The following SMPD3 variants were observed in gnomAD, a reference collection of about 807,000 sequenced individuals.
SMPD3 encodes nSMase-2.
In SMPD3, 21 loss-of-function variants were observed where a neutral mutation model predicts 55.7. The ratio of observed to expected loss-of-function variants is 0.38; its 90% CI spans 0.27 to 0.54. SMPD3 has a LOEUF of 0.54. Ranked by LOEUF, SMPD3 falls within the 20% of genes least tolerant of loss-of-function variation. The pLI is 0.80. For missense variants in SMPD3, 842 were observed against 899.6 expected, an observed-to-expected ratio of 0.94 and a Z score of 0.82; for synonymous variants, 457 against 404.3, an observed-to-expected ratio of 1.13 and a Z score of -1.56.
intron 1 of SMPD3, among the ~76,000 whole-genome samples, chr16:68,421,431 G>A (rs1014267310): frequency 2.6e-5 from 4 of 152,326 alleles, no homozygotes; most frequent in African/African-American, 9.6e-5. Flanking sequence ...TGGAATGACA[G>A]CACAGGAAGA....
chr16:68,421,638 C>T (rs2090395161), intron 1 of SMPD3, among the ~76,000 whole-genome samples: 1 of 152,236 alleles, frequency 6.6e-6, no homozygotes, highest in Non-Finnish European at 1.5e-5. Flanking sequence ...CTCCCAGACA[C>T]ATCTCTTTGA....
At chr16:68,400,917 G>C (rs2090199613) in intron 1 of SMPD3, among the ~76,000 whole-genome samples, 1 of 152,244 alleles carries the variant, frequency 6.6e-6, no homozygotes. Flanking sequence ...TGGTTTGTGG[G>C]ATCACAGAGG....
intron 1 of SMPD3, among the ~76,000 whole-genome samples, chr16:68,440,549 T>C (rs2090557795): frequency 6.6e-6 from 1 of 152,226 alleles, no homozygotes; most frequent in African/African-American, 2.4e-5. Context: ...TATTAAAGAA[T>C]ACCTGAAATC....
intron 1 of SMPD3, among the ~76,000 whole-genome samples, chr16:68,437,017 A>G (rs540723422): frequency 6.6e-6 from 1 of 152,362 alleles, no homozygotes; most frequent in African/African-American, 2.4e-5. Flanking sequence ...TTAATTCCAG[A>G]GGCGTGAGGA....
At chr16:68,401,869 C>T (rs1008996506) in intron 1 of SMPD3, among the ~76,000 whole-genome samples, 6 of 152,188 alleles carry the variant, frequency 3.9e-5, no homozygotes, top group African/African-American at 9.7e-5. Context: ...TTTATCCTCA[C>T]TTGTCATGGC....
chr16:68,365,981 C>T (rs576579227), intron 3 of SMPD3, among the ~76,000 whole-genome samples: 11 of 152,266 alleles, frequency 7.2e-5, no homozygotes, highest in East Asian at 1.9e-4. Context: ...ACAGAGAGGC[C>T]GCTTACCAGC....
rs1597661739 is a variant in SMPD3 at position 68,424,324 on chromosome 16, A to G, written c.-269+24029T>C. On this transcript the variant is annotated intron_variant, in intron 1 of 8. Transcript: ENST00000219334. Reference sequence around the variant, plus strand: ...ATTAAGTCTGCCTTCTGCCTTCTTCACTTGCCCCTCCACAATGGGGCTGCA... The same window carrying G: ...ATTAAGTCTGCCTTCTGCCTTCTTCGCTTGCCCCTCCACAATGGGGCTGCA... 2.0e-5 allele frequency among the ~76,000 whole-genome samples: 3 copies of G among 151,952 alleles called. No individual in the cohort carries two copies. The South Asian group carries it at 6.3e-4, about 32-fold the overall frequency.
intron 1 of SMPD3, among the ~76,000 whole-genome samples, chr16:68,418,391 G>C (rs1447737325): frequency 2.6e-5 from 4 of 151,892 alleles, no homozygotes; most frequent in Non-Finnish European, 5.9e-5. Context: ...GGTTGTAGAT[G>C]AGAGATGGGT....
chr16:68,429,315 G>C (rs1434750294), intron 1 of SMPD3, among the ~76,000 whole-genome samples: 2 of 152,214 alleles, frequency 1.3e-5, no homozygotes, highest in African/African-American at 4.8e-5. Flanking sequence ...AGTCAATGCT[G>C]CATGAGGGCT....
chr16:68,363,670 T>TG, intron 6 of SMPD3, 107 bp downstream of exon 6: 1 of 1,447,128 alleles, frequency 6.9e-7, no homozygotes, highest in Non-Finnish European at 9.5e-7. Context: ...GGCAGCTGAA[T>TG]GGGGCCCTTC....
At chr16:68,381,813 G>A (rs987262906) in intron 2 of SMPD3, among the ~76,000 whole-genome samples, 1 of 152,220 alleles carries the variant, frequency 6.6e-6, no homozygotes, top group African/African-American at 2.4e-5. Flanking sequence ...ATAGAGGACA[G>A]CTTCTGATTG....
At chr16:68,397,568 C>T (rs532366454) in intron 1 of SMPD3, among the ~76,000 whole-genome samples, 7 of 152,302 alleles carry the variant, frequency 4.6e-5, no homozygotes, top group South Asian at 2.1e-4. Context: ...GTACCCTCCC[C>T]GCTGAGAACT....
At chr16:68,432,168 C>T (rs1053865728) in intron 1 of SMPD3, among the ~76,000 whole-genome samples, 4 of 151,974 alleles carry the variant, frequency 2.6e-5, no homozygotes, top group Admixed American at 2.6e-4. Flanking sequence ...TACAATAATC[C>T]TTTATGGTAG....
In SMPD3 at chr16:68,360,016, G is replaced by C. The variant is rs1490316687; in HGVS notation, c.*1190C>G. The C allele has an allele frequency of 6.5e-6, 1 of 152,928 alleles. No homozygotes were observed. Among genetic ancestry groups the C allele is most frequent in the Non-Finnish European group, 1.5e-5 (1 of 68,430 alleles). 9.5% of individuals were successfully genotyped at this position (152,928 alleles called of 1,614,324 possible). On this transcript the variant is annotated 3_prime_UTR_variant, in exon 9 of 9. Transcript: ENST00000219334. ...CAGCTTGCGCACTGGTGAGGGCCAG[G>C]CTGCTCTCTGCACCTTGGCTTCCTG...
chr16:68,373,441 C>T (rs1447971652), intron 2 of SMPD3, among the ~76,000 whole-genome samples: 2 of 152,222 alleles, frequency 1.3e-5, no homozygotes, highest in African/African-American at 4.8e-5. Context: ...CCAGACTTTC[C>T]ATGACTGGAG....
intron 3 of SMPD3, chr16:68,370,238 T>C (rs538509496): frequency 6.5e-6 from 1 of 153,146 alleles, no homozygotes; most frequent in South Asian, 2.1e-4. Flanking sequence ...CTTTAATTAG[T>C]GACTATGGAA....
At position 68,370,923 on chromosome 16, in the gene SMPD3, T is replaced by A; in HGVS notation, c.1259A>T (p.Tyr420Phe). Residue 420 changes from tyrosine to phenylalanine, a missense_variant, in exon 3 of 9, where the codon TAT (tyrosine) becomes TTT (phenylalanine). Tyr to Phe is a conservative substitution (Grantham distance 22). Around this residue, in one of 2 missense-constraint regions of SMPD3, gnomAD observed 649 missense variants for 643.6 expected, o/e 1.01. Coordinates refer to ENST00000219334, the MANE Select transcript of SMPD3 (RefSeq NM_018667.4). ...GTTACACTTGTTGGGGTAACAGTGA[T>A]AGGCCACGTCCATGATGGGGTAGCG... is the stretch of plus-strand genomic sequence containing the variant. The part of the protein sequence containing the change: ...ASRYPIMDVA[Y>F]HCYPNKCNDD... The A allele has an allele frequency of 1.2e-6, 2 of 1,614,132 alleles. No homozygotes were observed. The highest frequency in any genetic ancestry group is 1.7e-6 in the Non-Finnish European group (2 of 1,180,002).
intron 1 of SMPD3, among the ~76,000 whole-genome samples, chr16:68,416,894 A>G (rs1356868334): frequency 6.6e-6 from 1 of 152,136 alleles, no homozygotes; most frequent in Non-Finnish European, 1.5e-5. Flanking sequence ...AAGATGCCTC[A>G]GTCCCAGGAG....
At chr16:68,363,454 T>G in intron 7 of SMPD3, 42 bp downstream of exon 7, 1 of 1,607,080 alleles carries the variant, frequency 6.2e-7, no homozygotes, top group Non-Finnish European at 8.5e-7. Flanking sequence ...TCCACCTTAG[T>G]CAGGGTGTGC....
Sources: gnomAD v4.1 joint callset for allele counts (sites outside exome capture counted in the v4.1 genomes callset) on GRCh38, gnomAD v4.1.1 for gene constraint, gnomAD v4.1.1 regional missense constraint, MANE v1.5 for transcripts, NCBI Gene and HGNC (gene_info 2026-07-23, HGNC 2026-07-21) for gene names.